The following MDGA1 variants were observed in gnomAD, a reference collection of about 807,000 sequenced individuals.
MDGA1 encodes MAM domain containing glycosylphosphatidylinositol anchor 1, also known as MAM domain-containing glycosylphosphatidylinositol anchor protein 1.
Under a neutral mutation model 101.5 loss-of-function variants are expected in MDGA1, and 54 were observed. The ratio of observed to expected loss-of-function variants is 0.53; its 90% CI spans 0.43 to 0.67. The LOEUF is 0.67. Among genes scored for constraint, MDGA1 ranks in the 30% least tolerant of loss-of-function variants. The probability of loss-of-function intolerance (pLI) is 0.00; values close to 1 mark genes in which losing one functional copy is unlikely to be tolerated. For missense variants in MDGA1, 1,083 were observed against 1,323.8 expected (o/e 0.82, Z 2.82); for synonymous variants, 533 against 558.3 (o/e 0.95, Z 0.64).
chr6:37,653,096 G>A (rs1348339888), intron 6 of MDGA1, among the ~76,000 whole-genome samples: 5 of 152,160 alleles, frequency 3.3e-5, no homozygotes, highest in Admixed American at 3.3e-4. Context: ...TTTTAATCAG[G>A]TACCCAACCT....
In MDGA1 at chr6:37,697,006, G is replaced by T; in HGVS notation, c.-195C>A. 1 of 553,862 alleles carries T rather than the reference G, an allele frequency of 1.8e-6. No individual in the cohort carries two copies. The highest frequency in any genetic ancestry group is 3.2e-6 in the Non-Finnish European group (1 of 313,782). The allele number at this position is 553,862 out of a possible 1,614,324, so 34.3% of individuals were successfully genotyped here. A position where few individuals can be genotyped will look rare whatever the true frequency, so the allele number is the denominator to read the frequency against. On this transcript the variant is annotated 5_prime_UTR_variant, in exon 1 of 17. Transcript: ENST00000434837. ...GTGTTTCTCCTCCGGCGGGGCCGCT[G>T]CCCGCGTGGGGACGCAGGGGGCGCT... is the stretch of plus-strand genomic sequence containing the variant.
chr6:37,661,614 C>T (rs1380201700), intron 2 of MDGA1, among the ~76,000 whole-genome samples: 7 of 152,124 alleles, frequency 4.6e-5, no homozygotes, highest in African/African-American at 1.4e-4. Flanking sequence ...AAAGCAGGAA[C>T]GAACAGATAT....
At chr6:37,663,807 A>G (rs1477405943) in intron 2 of MDGA1, among the ~76,000 whole-genome samples, 160 bp downstream of exon 2, 1 of 152,070 alleles carries the variant, frequency 6.6e-6, no homozygotes, top group Non-Finnish European at 1.5e-5. Context: ...TTCCCCACAG[A>G]GTTAATTTTC....
chr6:37,644,541 G>A lies in MDGA1; in HGVS notation c.2357C>T (p.Ser786Phe). The A allele has an allele frequency of 1.2e-6, 2 of 1,605,528 alleles. No homozygotes were observed. The highest frequency in any genetic ancestry group is 1.7e-6 in the Non-Finnish European group (2 of 1,175,920). Residue 786 changes from serine to phenylalanine, a missense_variant, in exon 13 of 17, where the codon TCC becomes TTC. This residue lies in a region of MDGA1 where 657 missense variants were observed against 771.4 expected (regional missense o/e 0.85). Transcript: ENST00000434837. ...GTCGGTGGGGGGACCAGTGTTGGGG[G>A]AGCGTTTGGGGTTCTGGGTGAGGGC... ...QNALTQNPKR[S>F]PNTGPPTDIS...
At chr6:37,668,264 A>G (rs72847485) in intron 1 of MDGA1, among the ~76,000 whole-genome samples, 3 of 149,754 alleles carry the variant, frequency 2.0e-5, no homozygotes, top group African/African-American at 4.9e-5. Context: ...AAAAAAAAAA[A>G]GGTGATCCAG....
chr6:37,688,371 C>T (rs1392028913), intron 1 of MDGA1, among the ~76,000 whole-genome samples: 1 of 152,214 alleles, frequency 6.6e-6, no homozygotes, highest in Non-Finnish European at 1.5e-5. Flanking sequence ...CTTTTCTACA[C>T]AGCTTCCAAT....
rs1761432496 is a variant in MDGA1, at chr6:37,654,323, G to C, written c.933C>G (p.Thr311=). 6.3e-7 allele frequency: 1 copy of C among 1,595,088 alleles called. No homozygotes were observed. The highest frequency in any genetic ancestry group is 1.3e-5 in the African/African-American group (1 of 74,580). ...TCTTGGCAGGGTTGCCCACATTGTT[G>C]GTGGCTGTGCAGTTGTAGTAGCCAG... is the stretch of plus-strand genomic sequence containing the variant. ...RDSGYYNCTA[T]NNVGNPAKKT... The change falls in exon 6 of 17, where the codon ACC becomes ACG. Residue 311 remains threonine, a synonymous_variant. Coordinates refer to ENST00000434837, the MANE Select transcript of MDGA1 (RefSeq NM_153487.4).
In MDGA1 at chr6:37,691,952, G is replaced by A. The variant is rs997500420; in HGVS notation, c.67+4793C>T. 1.3e-4 allele frequency among the ~76,000 whole-genome samples: 20 copies of A among 152,312 alleles called. No homozygotes were observed. The East Asian group carries it at 2.3e-3, about 18-fold the overall frequency. ...AGCTGAGCCCCAGCATCCAGCTGGC[G>A]CCTAGGGAAAACCTGATTCATCTGA... On this transcript the variant is annotated intron_variant, in intron 1 of 16. Transcript: ENST00000434837.
chr6:37,656,682 G>T (rs1299410091), intron 3 of MDGA1, among the ~76,000 whole-genome samples: 4 of 152,214 alleles, frequency 2.6e-5, no homozygotes, highest in Non-Finnish European at 5.9e-5. Flanking sequence ...CAAGACAACA[G>T]GACTTGATGC....
At chr6:37,654,963 G>A (rs1761451604) in intron 4 of MDGA1, 31 bp from the exon 5 acceptor site, 9 of 1,610,120 alleles carry the variant, frequency 5.6e-6, no homozygotes, top group Non-Finnish European at 6.8e-6. Flanking sequence ...GGGGTGAGGT[G>A]CCTGCTTGAG....
intron 9 of MDGA1, chr6:37,648,148 C>G (rs1283984231): frequency 6.6e-6 from 1 of 152,478 alleles, no homozygotes; most frequent in African/African-American, 2.4e-5. Context: ...TGACAGCCCA[C>G]CTGAGAATGC....
intron 9 of MDGA1, 145 bp from the exon 10 acceptor site, chr6:37,647,469 G>A: frequency 1.7e-6 from 1 of 577,642 alleles, no homozygotes; most frequent in South Asian, 2.2e-5. Flanking sequence ...ATTGTGAGGT[G>A]GGGAACGTTG....
At position 37,631,185 on chromosome 6, in the gene MDGA1, A is replaced by G. The variant is rs1469902734; in HGVS notation, c.*6183T>C. On this transcript the variant is annotated 3_prime_UTR_variant, in exon 17 of 17. Coordinates refer to ENST00000434837, the MANE Select transcript of MDGA1 (RefSeq NM_153487.4). ...ATGATCCTAGAGCTACCTTGAATCC[A>G]AAATGCCCATCTGGTTCAGGAAAAC... The G allele has an allele frequency of 1.3e-5, 2 of 152,204 alleles. No homozygotes were observed. Among genetic ancestry groups the G allele is most frequent in the Non-Finnish European group, 2.9e-5 (2 of 68,046 alleles). The allele number at this position is 152,204 out of a possible 1,614,324, so 9.4% of individuals were successfully genotyped here.
At chr6:37,645,898 G>A in intron 12 of MDGA1, 35 bp downstream of exon 12, 1 of 1,613,118 alleles carries the variant, frequency 6.2e-7, no homozygotes. Flanking sequence ...GTCCCTAAAG[G>A]GAAGGGGAAG....
Position 37,649,294 on chromosome 6 carries a change from G to T in MDGA1, c.1610-28C>A, listed in dbSNP as rs111318026. 4.7e-3 allele frequency: 6,854 copies of T among 1,457,876 alleles called. 222 individuals are homozygous for T. In the African/African-American group the frequency reaches 0.077, roughly 16 times the overall value. 90.3% of individuals were successfully genotyped at this position (1,457,876 alleles called of 1,614,324 possible). A position where few individuals can be genotyped will look rare whatever the true frequency, so the allele number is the denominator to read the frequency against. On this transcript the variant is annotated intron_variant, in intron 8 of 16. Transcript: ENST00000434837. ...GGGGGCGGGAGCGGCGGTCAGCGGG[G>T]CCTCTCCCCAGCGAGTGGGGCCTGA...
chr6:37,694,337 A>C lies in MDGA1; in HGVS notation c.67+2408T>G, dbSNP rs1304456405. Among the ~76,000 whole-genome samples, 4 of 152,168 alleles carry C rather than the reference A, an allele frequency of 2.6e-5. No individual in the cohort carries two copies. In the East Asian group the frequency reaches 7.7e-4, roughly 29 times the overall value. On this transcript the variant is annotated intron_variant, in intron 1 of 16. Coordinates refer to ENST00000434837, the MANE Select transcript of MDGA1 (RefSeq NM_153487.4). ...AGTCCTAGAGAGACTTCTCATGGAG[A>C]AAGAATTTCCAACCTGCCCCCAACT...
At chr6:37,689,651 A>C (rs977685429) in intron 1 of MDGA1, among the ~76,000 whole-genome samples, 9 of 152,190 alleles carry the variant, frequency 5.9e-5, no homozygotes, top group Admixed American at 5.9e-4. Flanking sequence ...TTTCTTATGC[A>C]GAGGTCGAGG....
chr6:37,670,559 C>T (rs1331371247), intron 1 of MDGA1, among the ~76,000 whole-genome samples: 1 of 152,136 alleles, frequency 6.6e-6, no homozygotes, highest in African/African-American at 2.4e-5. Context: ...AATAAAGAAA[C>T]TCATGTAAAG....
intron 2 of MDGA1, among the ~76,000 whole-genome samples, chr6:37,659,122 A>G (rs1761564218): frequency 6.6e-6 from 1 of 152,084 alleles, no homozygotes. Context: ...TTGGAAGTAG[A>G]TCCTCCAGTC....
Sources: allele counts gnomAD v4.1 joint callset (sites outside exome capture counted in the v4.1 genomes callset), GRCh38; gene constraint gnomAD v4.1.1; regional missense constraint gnomAD v4.1.1; transcripts MANE v1.5; gene names NCBI Gene and HGNC (gene_info 2026-07-23, HGNC 2026-07-21).